MAGI1: variants seen among roughly 807,000 people sequenced by gnomAD.
MAGI1 encodes the protein membrane associated guanylate kinase, WW and PDZ domain containing 1.
In MAGI1, 58 loss-of-function variants were observed where a neutral mutation model predicts 139.9. That is an observed-to-expected ratio of 0.41 (90% confidence interval 0.34 to 0.52). The LOEUF is 0.52. MAGI1 is among the 20% of genes least tolerant of loss of function. The pLI is 0.12. For missense variants in MAGI1, 1,874 were observed against 1,901.6 expected (o/e 0.99, Z 0.27); for synonymous variants, 812 against 737.9 (o/e 1.10, Z -1.63).
At chr3:65,419,221 TACACACACACAC>T (rs71102854) in intron 12 of MAGI1, among the ~76,000 whole-genome samples, 1 of 86,270 alleles carries the variant, frequency 1.2e-5, no homozygotes, top group Non-Finnish European at 2.0e-5. Context: ...AACACATTCA[TACACACACACAC>T]ACACACACAC....
intron 5 of MAGI1, among the ~76,000 whole-genome samples, chr3:65,457,561 G>A (rs1165644165): frequency 1.3e-5 from 2 of 152,046 alleles, no homozygotes; most frequent in African/African-American, 4.8e-5. Flanking sequence ...ATTGACACCT[G>A]TATTATTTTT....
rs772763382 is a variant in MAGI1 at position 65,769,702 on chromosome 3, T to C, written c.314-147614A>G. On this transcript the variant is annotated intron_variant, in intron 1 of 22. Transcript: ENST00000402939. ...TTTGATGATAAGATGTAGATGTTGATAACACGTGTCTCTGGACACCAAGGA... is the reference window on the plus strand; with the variant it reads ...TTTGATGATAAGATGTAGATGTTGACAACACGTGTCTCTGGACACCAAGGA... Among the ~76,000 whole-genome samples, 90 of 152,294 alleles carry C rather than the reference T, an allele frequency of 5.9e-4. No individual in the cohort carries two copies. In the Middle Eastern group the frequency reaches 0.017, roughly 29 times the overall value.
chr3:65,706,104 C>T (rs2107630152), intron 1 of MAGI1, among the ~76,000 whole-genome samples: 1 of 152,124 alleles, frequency 6.6e-6, no homozygotes, highest in Middle Eastern at 3.4e-3. Context: ...TTTTTCTAAT[C>T]AATGTAATGA....
chr3:65,952,639 C>A (rs2063921301), intron 1 of MAGI1, among the ~76,000 whole-genome samples: 1 of 152,098 alleles, frequency 6.6e-6, no homozygotes, highest in Non-Finnish European at 1.5e-5. Context: ...ACAGTAAAAC[C>A]CCATCTCTAC....
At chr3:65,969,348 A>AGG (rs1338996739) in intron 1 of MAGI1, among the ~76,000 whole-genome samples, 1 of 152,156 alleles carries the variant, frequency 6.6e-6, no homozygotes, top group Non-Finnish European at 1.5e-5. Flanking sequence ...GTTCTGTGTT[A>AGG]GGGGCTGGGG....
At chr3:65,378,739 T>C (rs562977689) in intron 17 of MAGI1, among the ~76,000 whole-genome samples, 51 of 151,558 alleles carry the variant, frequency 3.4e-4, no homozygotes, top group African/African-American at 1.1e-3. Flanking sequence ...TGGAATGCAG[T>C]GGCACAATCT....
intron 1 of MAGI1, among the ~76,000 whole-genome samples, chr3:65,875,598 C>A (rs2060086074): frequency 6.6e-6 from 1 of 152,138 alleles, no homozygotes; most frequent in African/African-American, 2.4e-5. Context: ...CGATCAGCCC[C>A]ATGACCTTGG....
At chr3:65,816,301 G>T (rs769545511) in intron 1 of MAGI1, among the ~76,000 whole-genome samples, 6 of 152,082 alleles carry the variant, frequency 3.9e-5, no homozygotes, top group Non-Finnish European at 5.9e-5. Context: ...AACACTTTCA[G>T]TGATGAAAAA....
chr3:65,847,466 G>T (rs2059045412), intron 1 of MAGI1, among the ~76,000 whole-genome samples: 1 of 151,820 alleles, frequency 6.6e-6, no homozygotes, highest in Non-Finnish European at 1.5e-5. Context: ...ATCCACGGAA[G>T]AAATCTTTAA....
chr3:65,795,853 C>A (rs1204675438), intron 1 of MAGI1, among the ~76,000 whole-genome samples: 1 of 151,764 alleles, frequency 6.6e-6, no homozygotes, highest in East Asian at 1.9e-4. Context: ...GAGTTCAAGA[C>A]CAGGCTGGCC....
intron 2 of MAGI1, among the ~76,000 whole-genome samples, chr3:65,576,616 T>C (rs1023612306): frequency 1.3e-5 from 2 of 152,168 alleles, no homozygotes; most frequent in Non-Finnish European, 2.9e-5. Context: ...TCAAGAAAAA[T>C]GGGCGTTGTA....
At chr3:65,794,394 T>A (rs187252915) in intron 1 of MAGI1, among the ~76,000 whole-genome samples, 2 of 152,262 alleles carry the variant, frequency 1.3e-5, no homozygotes, top group South Asian at 4.1e-4. Context: ...TCAGGACCTG[T>A]TGGGGTATGG....
At chr3:65,501,557 A>G (rs915933015) in intron 2 of MAGI1, among the ~76,000 whole-genome samples, 2 of 152,124 alleles carry the variant, frequency 1.3e-5, no homozygotes, top group Non-Finnish European at 2.9e-5. Flanking sequence ...TGTAATACCA[A>G]ATGCTGGCAA....
chr3:66,008,044 G>A (rs2067124346), intron 1 of MAGI1, among the ~76,000 whole-genome samples: 1 of 152,034 alleles, frequency 6.6e-6, no homozygotes, highest in Admixed American at 6.5e-5. Flanking sequence ...CTACAGGCAT[G>A]TGCCACCATG....
chr3:66,037,974 C>T, intron 1 of MAGI1, 22 bp downstream of exon 1: 1 of 1,529,166 alleles, frequency 6.5e-7, no homozygotes, highest in Non-Finnish European at 8.8e-7. Context: ...GGGGCGCCCC[C>T]CAAAGGCGCG....
At chr3:65,554,433 G>T (rs1239505564) in intron 2 of MAGI1, among the ~76,000 whole-genome samples, 1 of 152,140 alleles carries the variant, frequency 6.6e-6, no homozygotes, top group African/African-American at 2.4e-5. Context: ...CTGGGGTTGA[G>T]CATAAACCAA....
At chr3:65,504,111 G>T (rs536903203) in intron 2 of MAGI1, among the ~76,000 whole-genome samples, 24 of 152,298 alleles carry the variant, frequency 1.6e-4, no homozygotes, top group African/African-American at 5.8e-4. Context: ...GCTGATGTAA[G>T]AAGAACCAGT....
chr3:65,740,855 C>T (rs1194108444), intron 1 of MAGI1, among the ~76,000 whole-genome samples: 1 of 152,214 alleles, frequency 6.6e-6, no homozygotes, highest in Non-Finnish European at 1.5e-5. Flanking sequence ...TTTGTATGCA[C>T]ACATCCACAA....
At chr3:65,505,555 G>A (rs1362851772) in intron 2 of MAGI1, among the ~76,000 whole-genome samples, 1 of 151,628 alleles carries the variant, frequency 6.6e-6, no homozygotes, top group Non-Finnish European at 1.5e-5. Context: ...TGAAGTGGGA[G>A]GACCACTTAA....
Sources: gnomAD v4.1 joint callset for allele counts (sites outside exome capture counted in the v4.1 genomes callset) on GRCh38, gnomAD v4.1.1 for gene constraint, MANE v1.5 for transcripts, NCBI Gene and HGNC (gene_info 2026-07-23, HGNC 2026-07-21) for gene names.